The following CFAP299 variants were observed in gnomAD, a reference collection of about 807,000 sequenced individuals.
CFAP299 encodes cilia- and flagella-associated protein 299.
CFAP299 carries 21 observed loss-of-function variants against 27.0 expected under a neutral mutation model. The observed-to-expected ratio is 0.78, with a 90% CI of 0.55 to 1.12. The LOEUF (loss-of-function observed/expected upper bound fraction) is 1.12. Ranked by LOEUF, CFAP299 falls within the 50% of genes most tolerant of loss-of-function variation. The probability of loss-of-function intolerance (pLI) is 0.00; values close to 1 mark genes in which losing one functional copy is unlikely to be tolerated. For missense variants in CFAP299, 310 were observed against 276.6 expected (o/e 1.12, Z -0.86); for synonymous variants, 104 against 98.1 (o/e 1.06, Z -0.36).
intron 1 of CFAP299, 143 bp from the exon 2 acceptor site, chr4:80,362,611 A>G: frequency 1.2e-6 from 1 of 845,760 alleles, no homozygotes; most frequent in Non-Finnish European, 1.7e-6. Flanking sequence ...TATATCTAAT[A>G]GATCATGTCT....
At chr4:80,604,277 G>A (rs1462712823) in intron 3 of CFAP299, among the ~76,000 whole-genome samples, 1 of 152,052 alleles carries the variant, frequency 6.6e-6, no homozygotes, top group Non-Finnish European at 1.5e-5. Context: ...GGCATATATA[G>A]AAAATAATAA....
At chr4:80,862,823 G>A (rs186618879) in intron 3 of CFAP299, among the ~76,000 whole-genome samples, 184 of 152,168 alleles carry the variant, frequency 1.2e-3, no homozygotes, top group Middle Eastern at 6.8e-3. Flanking sequence ...GTAAAACTGC[G>A]ATTGACTGAG....
chr4:80,738,384 A>T (rs1303088614), intron 3 of CFAP299, among the ~76,000 whole-genome samples: 1 of 152,132 alleles, frequency 6.6e-6, no homozygotes, highest in Non-Finnish European at 1.5e-5. Flanking sequence ...AGCTCTAATA[A>T]TGTTTCCTTT....
chr4:80,732,912 T>C (rs1723621852), intron 3 of CFAP299, among the ~76,000 whole-genome samples: 1 of 152,134 alleles, frequency 6.6e-6, no homozygotes, highest in Non-Finnish European at 1.5e-5. Context: ...TAACTCTTGA[T>C]GATATAAGCC....
intron 3 of CFAP299, among the ~76,000 whole-genome samples, chr4:80,766,863 G>GT (rs1478329802): frequency 2.6e-5 from 4 of 152,210 alleles, no homozygotes; most frequent in African/African-American, 7.2e-5. Flanking sequence ...AGAATCTTAA[G>GT]TATAGAGAGT....
chr4:80,413,282 C>A (rs1726822214), intron 2 of CFAP299, among the ~76,000 whole-genome samples: 1 of 152,148 alleles, frequency 6.6e-6, no homozygotes, highest in Admixed American at 6.5e-5. Flanking sequence ...GGCTTTGAAG[C>A]CTTACCCTTA....
intron 5 of CFAP299, among the ~76,000 whole-genome samples, chr4:80,947,657 A>G (rs1422967901): frequency 1.3e-5 from 2 of 152,124 alleles, no homozygotes; most frequent in Non-Finnish European, 2.9e-5. Context: ...TTGTTCATGA[A>G]CTGCAGTTTG....
intron 3 of CFAP299, among the ~76,000 whole-genome samples, chr4:80,665,007 C>G (rs534151367): frequency 1.3e-5 from 2 of 152,122 alleles, no homozygotes; most frequent in Non-Finnish European, 2.9e-5. Flanking sequence ...TTGCACTTCC[C>G]GGGTGAGGCA....
At chr4:80,882,783 A>T (rs950920272) in intron 4 of CFAP299, among the ~76,000 whole-genome samples, 1 of 152,154 alleles carries the variant, frequency 6.6e-6, no homozygotes, top group Non-Finnish European at 1.5e-5. Context: ...ATATTAAAAG[A>T]GAAAAAACTG....
At chr4:80,586,882 G>A (rs1230769080) in intron 3 of CFAP299, among the ~76,000 whole-genome samples, 3 of 152,140 alleles carry the variant, frequency 2.0e-5, no homozygotes, top group Non-Finnish European at 4.4e-5. Context: ...TGGATGACTA[G>A]TTTTGGCTTT....
chr4:80,557,030 A>T (rs1253142683), intron 2 of CFAP299, among the ~76,000 whole-genome samples: 4 of 152,122 alleles, frequency 2.6e-5, no homozygotes, highest in African/African-American at 9.6e-5. Flanking sequence ...GTCTAATTTT[A>T]ATCAGTTTGA....
intron 3 of CFAP299, among the ~76,000 whole-genome samples, chr4:80,593,503 C>A (rs1736889271): frequency 6.6e-6 from 1 of 152,166 alleles, no homozygotes; most frequent in Non-Finnish European, 1.5e-5. Flanking sequence ...CTTGTCAAAT[C>A]TATGGGCATA....
At chr4:80,806,139 G>A (rs1331591710) in intron 3 of CFAP299, among the ~76,000 whole-genome samples, 2 of 152,032 alleles carry the variant, frequency 1.3e-5, no homozygotes, top group African/African-American at 2.4e-5. Context: ...TATTCATCCC[G>A]ATTAATTTCA....
chr4:80,364,763 A>G (rs1049975173), intron 2 of CFAP299, among the ~76,000 whole-genome samples: 3 of 152,106 alleles, frequency 2.0e-5, no homozygotes, highest in African/African-American at 7.2e-5. Context: ...ACCAAGCCCC[A>G]CTTTGACAGG....
chr4:80,402,505 C>G (rs191084480), intron 2 of CFAP299, among the ~76,000 whole-genome samples: 98 of 152,226 alleles, frequency 6.4e-4, no homozygotes, highest in African/African-American at 2.1e-3. Context: ...TGTAAGCATG[C>G]CTTTCGTCTC....
chr4:80,810,378 A>C (rs900394790), intron 3 of CFAP299, among the ~76,000 whole-genome samples: 1 of 151,748 alleles, frequency 6.6e-6, no homozygotes, highest in East Asian at 1.9e-4. Flanking sequence ...ACACACATAC[A>C]CACCCCTCAT....
chr4:80,412,230 C>T (rs1726755643), intron 2 of CFAP299, among the ~76,000 whole-genome samples: 1 of 151,134 alleles, frequency 6.6e-6, no homozygotes, highest in African/African-American at 2.4e-5. Context: ...TCCCAAGCTT[C>T]TGCACTTCAT....
At chr4:80,539,863 A>C (rs1230352066) in intron 2 of CFAP299, among the ~76,000 whole-genome samples, 1 of 152,204 alleles carries the variant, frequency 6.6e-6, no homozygotes, top group Non-Finnish European at 1.5e-5. Flanking sequence ...GTGAATAATC[A>C]ATGCATTTGC....
chr4:80,511,679 G>T (rs1732310684), intron 2 of CFAP299, among the ~76,000 whole-genome samples: 1 of 151,970 alleles, frequency 6.6e-6, no homozygotes. Flanking sequence ...GTTATTAAAG[G>T]CCAGAATCTT....
Sources: allele counts gnomAD v4.1 joint callset (sites outside exome capture counted in the v4.1 genomes callset), GRCh38; gene constraint gnomAD v4.1.1; transcripts MANE v1.5; gene names NCBI Gene and HGNC (gene_info 2026-07-23, HGNC 2026-07-21).